The following TMC1 variants were observed in gnomAD, a reference collection of about 807,000 sequenced individuals.
TMC1 encodes transmembrane channel-like protein 1.
In TMC1, 84 loss-of-function variants were observed where a neutral mutation model predicts 105.8. The observed-to-expected ratio is 0.79, with a 90% CI of 0.67 to 0.95. TMC1 has a LOEUF of 0.95. Ranked by LOEUF, TMC1 falls within the 40% of genes least tolerant of loss-of-function variation. The pLI, the probability that TMC1 is intolerant of heterozygous loss-of-function variation, is 0.00. For synonymous variants in TMC1, 315 were observed against 311.5 expected, an observed-to-expected ratio of 1.01 and a Z score of -0.12; for missense variants, 817 against 914.1, an observed-to-expected ratio of 0.89 and a Z score of 1.37.
At chr9:72,650,369 T>A (rs1396980011) in intron 5 of TMC1, among the ~76,000 whole-genome samples, 1 of 152,198 alleles carries the variant, frequency 6.6e-6, no homozygotes, top group African/African-American at 2.4e-5. Context: ...TTATTGAGTG[T>A]CTATTATGTG....
intron 3 of TMC1, among the ~76,000 whole-genome samples, chr9:72,624,364 T>C (rs1391501440): frequency 6.6e-6 from 1 of 152,158 alleles, no homozygotes; most frequent in Non-Finnish European, 1.5e-5. Flanking sequence ...TGAGATCTGC[T>C]TTGTGTTTAT....
chr9:72,567,797 C>T (rs995621642), intron 1 of TMC1, among the ~76,000 whole-genome samples: 1 of 152,166 alleles, frequency 6.6e-6, no homozygotes, highest in African/African-American at 2.4e-5. Context: ...CAGCTGAAGA[C>T]AGCTAAGGCA....
chr9:72,686,688 A>C (rs970776707), intron 5 of TMC1, among the ~76,000 whole-genome samples: 1 of 152,218 alleles, frequency 6.6e-6, no homozygotes. Flanking sequence ...CTGTTCCACG[A>C]TCAGACAAAG....
chr9:72,806,198 ACGGGGCGGC>A (rs1828576828), intron 18 of TMC1, among the ~76,000 whole-genome samples: 1 of 123,548 alleles, frequency 8.1e-6, no homozygotes. Context: ...CCCCTCCCGG[ACGGGGCGGC>A]TGGCCGGGCA....
At chr9:72,571,054 G>T (rs1192966059) in intron 1 of TMC1, among the ~76,000 whole-genome samples, 4 of 150,174 alleles carry the variant, frequency 2.7e-5, no homozygotes, top group African/African-American at 9.8e-5. Context: ...TGGGCATGGT[G>T]GCTCATGGCT....
chr9:72,550,019 A>AT (rs1823834934), intron 1 of TMC1, among the ~76,000 whole-genome samples: 1 of 151,632 alleles, frequency 6.6e-6, no homozygotes, highest in Non-Finnish European at 1.5e-5. Context: ...AAGTGCTAGG[A>AT]TTACAGGCGT....
At chr9:72,735,474 T>C (rs892343119) in intron 8 of TMC1, among the ~76,000 whole-genome samples, 2 of 152,356 alleles carry the variant, frequency 1.3e-5, no homozygotes, top group East Asian at 1.9e-4. Context: ...GACTGTTCTT[T>C]ATTTTCTTAG....
At chr9:72,731,641 C>T (rs142759815) in intron 8 of TMC1, among the ~76,000 whole-genome samples, 29 of 152,298 alleles carry the variant, frequency 1.9e-4, no homozygotes, top group African/African-American at 7.0e-4. Flanking sequence ...CAAAAATACT[C>T]TGGATCCTTA....
intron 8 of TMC1, among the ~76,000 whole-genome samples, chr9:72,739,858 G>C (rs866175905): frequency 1.3e-5 from 2 of 152,168 alleles, no homozygotes; most frequent in Non-Finnish European, 2.9e-5. Flanking sequence ...TCTCTATTTT[G>C]ACATTTAGCA....
At chr9:72,600,428 T>G (rs1303053494) in intron 2 of TMC1, among the ~76,000 whole-genome samples, 3 of 152,198 alleles carry the variant, frequency 2.0e-5, no homozygotes, top group African/African-American at 7.2e-5. Context: ...TAGAGTCTCA[T>G]GATTATCACC....
At chr9:72,616,891 T>A (rs66589859) in intron 3 of TMC1, among the ~76,000 whole-genome samples, 39,936 of 151,708 alleles carry the variant, frequency 0.26, 5,575 homozygotes, top group African/African-American at 0.32. Context: ...ATCCATCAAA[T>A]CACATTAGTG....
chr9:72,745,479 A>G (rs982197292), intron 10 of TMC1, among the ~76,000 whole-genome samples: 2 of 152,146 alleles, frequency 1.3e-5, no homozygotes, highest in African/African-American at 4.8e-5. Context: ...CTTGATCGTT[A>G]TCAAGGAATT....
At chr9:72,592,381 A>G (rs1824653711) in intron 2 of TMC1, among the ~76,000 whole-genome samples, 1 of 152,218 alleles carries the variant, frequency 6.6e-6, no homozygotes, top group African/African-American at 2.4e-5. Context: ...TATCAATGGC[A>G]TCAGTCAGTT....
intron 1 of TMC1, among the ~76,000 whole-genome samples, chr9:72,530,822 ATT>A (rs35627708): frequency 1.2e-4 from 16 of 133,732 alleles, no homozygotes; most frequent in Non-Finnish European, 1.6e-4. Context: ...TTCTGCCATG[ATT>A]TTTTTTTTTT....
chr9:72,825,593 A>G (rs916052540), intron 20 of TMC1, among the ~76,000 whole-genome samples: 5 of 152,026 alleles, frequency 3.3e-5, no homozygotes, highest in Admixed American at 6.6e-5. Flanking sequence ...GAATGCCCCC[A>G]CTCTAACTAC....
At chr9:72,620,390 G>T (rs1243254897) in intron 3 of TMC1, among the ~76,000 whole-genome samples, 1 of 151,808 alleles carries the variant, frequency 6.6e-6, no homozygotes, top group Non-Finnish European at 1.5e-5. Flanking sequence ...TATAAGGCAG[G>T]CACCACCATG....
intron 8 of TMC1, among the ~76,000 whole-genome samples, chr9:72,702,859 A>G (rs1028601382): frequency 3.3e-5 from 5 of 152,162 alleles, no homozygotes; most frequent in African/African-American, 1.2e-4. Context: ...CCAAGAGTTA[A>G]GCAAATTTTA....
At chr9:72,738,753 A>C (rs181499805) in intron 8 of TMC1, among the ~76,000 whole-genome samples, 1 of 152,158 alleles carries the variant, frequency 6.6e-6, no homozygotes, top group East Asian at 1.9e-4. Flanking sequence ...TTTATATGTT[A>C]ATAGGAGTTT....
At chr9:72,643,640 T>C (rs1368767022) in intron 4 of TMC1, among the ~76,000 whole-genome samples, 3 of 152,206 alleles carry the variant, frequency 2.0e-5, no homozygotes, top group African/African-American at 7.2e-5. Flanking sequence ...GTTCATTCTG[T>C]ATTATTACAA....
Sources: gnomAD v4.1 joint callset for allele counts (sites outside exome capture counted in the v4.1 genomes callset) on GRCh38, gnomAD v4.1.1 for gene constraint, MANE v1.5 for transcripts, NCBI Gene and HGNC (gene_info 2026-07-23, HGNC 2026-07-21) for gene names.